Variants in UBE2K observed in about 807,000 individuals in gnomAD.
UBE2K encodes the protein ubiquitin conjugating enzyme E2 K.
Under a neutral mutation model 30.0 loss-of-function variants are expected in UBE2K, and 6 were observed. The observed-to-expected ratio is 0.20, with a 90% confidence interval of 0.11 to 0.39. The LOEUF is 0.39. Ranked by LOEUF, UBE2K falls within the 10% of genes least tolerant of loss-of-function variation. The pLI is 1.00. For missense variants in UBE2K, 61 were observed against 241.6 expected (o/e 0.25, Z 4.96); for synonymous variants, 86 against 83.7 (o/e 1.03, Z -0.15).
At chr4:39,705,358 C>G (rs934906182) in intron 1 of UBE2K, among the ~76,000 whole-genome samples, 1 of 149,194 alleles carries the variant, frequency 6.7e-6, no homozygotes, top group Non-Finnish European at 1.5e-5. Flanking sequence ...CCACCACGCC[C>G]AGCTAATATT....
At chr4:39,741,868 T>C (rs1368818511) in intron 2 of UBE2K, among the ~76,000 whole-genome samples, 2 of 152,266 alleles carry the variant, frequency 1.3e-5, no homozygotes, top group East Asian at 1.9e-4. Flanking sequence ...ATTTTTAATA[T>C]TAAAAGCTAT....
At chr4:39,702,231 C>CTTTTTT (rs564712672) in intron 1 of UBE2K, among the ~76,000 whole-genome samples, 37 of 67,342 alleles carry the variant, frequency 5.5e-4, no homozygotes, top group Non-Finnish European at 8.5e-4. Context: ...CTTTTCTTTT[C>CTTTTTT]TTTTTTTTTT....
At chr4:39,744,905 T>TC (rs368846007) in intron 2 of UBE2K, among the ~76,000 whole-genome samples, 10,419 of 134,794 alleles carry the variant, frequency 0.077, 841 homozygotes, top group African/African-American at 0.22. Context: ...AGACTCTGTC[T>TC]CAAAAAAAAA....
Position 39,722,878 on chromosome 4 carries a change from C to G in UBE2K, c.64-14542C>G, listed in dbSNP as rs556380460. ...TGGCATGATCTCGGCTCACTGCAAC[C>G]TTCGCCTCCCAGGTTCAAGTGATTC... On this transcript the variant is annotated intron_variant, in intron 1 of 6. Transcript: ENST00000261427. 8.5e-4 allele frequency among the ~76,000 whole-genome samples: 129 copies of G among 151,216 alleles called. 1 individual carries two copies. Among genetic ancestry groups the G allele is most frequent in the Non-Finnish European group, 1.8e-4 (12 of 67,852 alleles).
At chr4:39,715,201 T>C (rs57205106) in intron 1 of UBE2K, among the ~76,000 whole-genome samples, 29,200 of 151,648 alleles carry the variant, frequency 0.19, 2,859 homozygotes, top group South Asian at 0.25. Flanking sequence ...AATTTTTTTT[T>C]GTATTTTTTA....
intron 1 of UBE2K, among the ~76,000 whole-genome samples, chr4:39,728,320 A>T (rs1719867823): frequency 6.6e-6 from 1 of 152,104 alleles, no homozygotes; most frequent in Non-Finnish European, 1.5e-5. Flanking sequence ...AATTATATAT[A>T]GATATTGAGC....
At chr4:39,712,522 T>A (rs1173496102) in intron 1 of UBE2K, among the ~76,000 whole-genome samples, 1 of 151,930 alleles carries the variant, frequency 6.6e-6, no homozygotes, top group Non-Finnish European at 1.5e-5. Flanking sequence ...CTCCATCTCC[T>A]GTGTTCAAGC....
intron 4 of UBE2K, chr4:39,771,376 C>T (rs977511214): frequency 8.7e-6 from 14 of 1,612,742 alleles, no homozygotes; most frequent in South Asian, 7.7e-5. Flanking sequence ...GTTCATGTTC[C>T]GTAGCGTAGC....
intron 1 of UBE2K, among the ~76,000 whole-genome samples, chr4:39,736,277 G>A (rs1393694866): frequency 2.0e-5 from 3 of 152,082 alleles, no homozygotes; most frequent in African/African-American, 4.8e-5. Context: ...CCTGGCCAAC[G>A]TGGCGAAACC....
At chr4:39,735,864 G>C (rs571901302) in intron 1 of UBE2K, among the ~76,000 whole-genome samples, 159 of 152,262 alleles carry the variant, frequency 1.0e-3, no homozygotes, top group African/African-American at 3.6e-3. Flanking sequence ...TAGAAAGTAA[G>C]TTTTTAAATC....
chr4:39,734,750 G>A (rs150912406), intron 1 of UBE2K, among the ~76,000 whole-genome samples: 2 of 152,330 alleles, frequency 1.3e-5, no homozygotes, highest in South Asian at 2.1e-4. Flanking sequence ...AAGTTGAGGT[G>A]CAGTGAGCTG....
At chr4:39,763,022 C>T (rs992312347) in intron 4 of UBE2K, among the ~76,000 whole-genome samples, 2 of 148,976 alleles carry the variant, frequency 1.3e-5, no homozygotes, top group African/African-American at 4.9e-5. Flanking sequence ...GCAACCTCCA[C>T]CTCCCGGGTT....
rs1221775325 is a variant in UBE2K at position 39,759,004 on chromosome 4, A to G, written c.299+3265A>G. On this transcript the variant is annotated intron_variant, in intron 4 of 6. Transcript: ENST00000261427. ...CATTAGATAAAATAGGTGAGACTAG[A>G]TATTCATGAAGTCATTACTTTATTC... Among the ~76,000 whole-genome samples, 7 of 152,326 alleles carry G rather than the reference A, an allele frequency of 4.6e-5. No homozygotes were observed. In the South Asian group the frequency reaches 6.2e-4, roughly 14 times the overall value.
intron 4 of UBE2K, chr4:39,771,027 C>T: frequency 6.2e-7 from 1 of 1,612,144 alleles, no homozygotes; most frequent in Non-Finnish European, 8.5e-7. Context: ...CCTCACGGAC[C>T]CCATCCTCTT....
intron 6 of UBE2K, 61 bp downstream of exon 6, chr4:39,777,871 C>A (rs1266007218): frequency 1.3e-5 from 17 of 1,341,986 alleles, no homozygotes; most frequent in Middle Eastern, 4.0e-4. Context: ...ATTGCAAATT[C>A]TTGGCTGACA....
chr4:39,773,273 T>C (rs1473593863), intron 4 of UBE2K, among the ~76,000 whole-genome samples: 3 of 150,566 alleles, frequency 2.0e-5, no homozygotes, highest in Non-Finnish European at 3.0e-5. Context: ...ATCAAGACCA[T>C]CCTGTGTCTC....
intron 4 of UBE2K, among the ~76,000 whole-genome samples, chr4:39,766,192 G>GT (rs59921214): frequency 0.18 from 26,815 of 149,792 alleles, 4,065 homozygotes; most frequent in African/African-American, 0.42. Flanking sequence ...TTTGTTTTTT[G>GT]TTTTTTTTTG....
At chr4:39,703,844 C>CAAAA (rs33995934) in intron 1 of UBE2K, among the ~76,000 whole-genome samples, 6 of 105,246 alleles carry the variant, frequency 5.7e-5, no homozygotes, top group South Asian at 3.6e-4. Flanking sequence ...GACTCCATCT[C>CAAAA]AAAAAAAAAA....
At chr4:39,723,119 C>T (rs1719518516) in intron 1 of UBE2K, among the ~76,000 whole-genome samples, 1 of 151,742 alleles carries the variant, frequency 6.6e-6, no homozygotes, top group Non-Finnish European at 1.5e-5. Context: ...CTTCAGCTCA[C>T]TGCACCCCCT....
Sources: allele counts gnomAD v4.1 joint callset (sites outside exome capture counted in the v4.1 genomes callset), GRCh38; gene constraint gnomAD v4.1.1; transcripts MANE v1.5; gene names NCBI Gene and HGNC (gene_info 2026-07-23, HGNC 2026-07-21).